ADGRV1: variants seen among roughly 807,000 people sequenced by gnomAD.
ADGRV1 encodes adhesion G protein-coupled receptor V1.
Under a neutral mutation model 596.2 loss-of-function variants are expected in ADGRV1, and 359 were observed. The observed-to-expected ratio is 0.60, with a 90% CI of 0.55 to 0.66. The LOEUF is 0.66. Among genes scored for constraint, ADGRV1 ranks in the 30% least tolerant of loss-of-function variants. The pLI is 0.00. For synonymous variants in ADGRV1, 2,681 were observed against 2,679.2 expected, an observed-to-expected ratio of 1.00 and a Z score of -0.02; for missense variants, 7,274 against 7,575.6, an observed-to-expected ratio of 0.96 and a Z score of 1.48.
chr5:90,783,033 A>T, intron 65 of ADGRV1, 91 bp from the exon 66 acceptor site: 1 of 972,494 alleles, frequency 1.0e-6, no homozygotes, highest in Non-Finnish European at 1.6e-6. Context: ...ACTTTGTGCC[A>T]TTATGTTTAA....
chr5:90,602,449 A>G (rs932707671), intron 1 of ADGRV1, among the ~76,000 whole-genome samples: 1 of 152,214 alleles, frequency 6.6e-6, no homozygotes, highest in Non-Finnish European at 1.5e-5. Context: ...TCATGTTGAT[A>G]GTATGTACCT....
intron 70 of ADGRV1, among the ~76,000 whole-genome samples, chr5:90,794,274 A>C (rs1053453492): frequency 6.6e-6 from 1 of 152,186 alleles, no homozygotes; most frequent in African/African-American, 2.4e-5. Context: ...GTCTTGATGT[A>C]GGTTTAACAC....
In ADGRV1 at chr5:90,901,915, A is replaced by G. The variant is rs115392485; in HGVS notation, c.17856+38058A>G. Among the ~76,000 whole-genome samples the G allele has an allele frequency of 4.7e-3, 709 of 152,206 alleles. 2 individuals are homozygous for G. The highest frequency in any genetic ancestry group is 0.016 in the African/African-American group (669 of 41,552). ...AAGTTTTGGTTCCTGGGTAGAGGGT[A>G]GACTGTAGTGTGAATAGTGGCCTCT... On this transcript the variant is annotated intron_variant, in intron 83 of 89. Transcript: ENST00000405460.
chr5:90,956,104 T>A (rs1242923106), intron 83 of ADGRV1, among the ~76,000 whole-genome samples: 1 of 152,180 alleles, frequency 6.6e-6, no homozygotes, highest in Non-Finnish European at 1.5e-5. Flanking sequence ...CTTATATGTA[T>A]GCTTATCTAA....
intron 85 of ADGRV1, among the ~76,000 whole-genome samples, chr5:91,001,420 A>T (rs1370598512): frequency 6.6e-6 from 1 of 152,144 alleles, no homozygotes; most frequent in Non-Finnish European, 1.5e-5. Context: ...GTATTATGTC[A>T]TATTTCAAGT....
At chr5:91,145,634 T>C (rs897730381) in intron 87 of ADGRV1, among the ~76,000 whole-genome samples, 1 of 152,048 alleles carries the variant, frequency 6.6e-6, no homozygotes, top group Non-Finnish European at 1.5e-5. Flanking sequence ...ATTTAGAATA[T>C]TATTATTGTT....
At chr5:91,004,052 A>G (rs1782063860) in intron 85 of ADGRV1, among the ~76,000 whole-genome samples, 1 of 152,148 alleles carries the variant, frequency 6.6e-6, no homozygotes, top group African/African-American at 2.4e-5. Context: ...GTCGACTATA[A>G]GGAGATGTTA....
At chr5:90,781,311 C>T (rs1256344882) in intron 64 of ADGRV1, 119 bp from the exon 65 acceptor site, 2 of 757,734 alleles carry the variant, frequency 2.6e-6, no homozygotes, top group African/African-American at 3.5e-5. Flanking sequence ...AAAAGTATTG[C>T]AGTACTTTAT....
At chr5:90,770,870 ATG>A (rs1392966583) in intron 59 of ADGRV1, among the ~76,000 whole-genome samples, 1 of 152,130 alleles carries the variant, frequency 6.6e-6, no homozygotes, top group Non-Finnish European at 1.5e-5. Flanking sequence ...ATCCAAACAT[ATG>A]TGTCTTATTC....
intron 21 of ADGRV1, among the ~76,000 whole-genome samples, chr5:90,667,814 G>A (rs1771704751): frequency 6.6e-6 from 1 of 152,172 alleles, no homozygotes; most frequent in Non-Finnish European, 1.5e-5. Context: ...CTGTTTGTTA[G>A]TTTTCCTTCT....
At position 90,675,339 on chromosome 5, in the gene ADGRV1, A is replaced by G. The variant is rs773201854; in HGVS notation, c.5207A>G (p.Asp1736Gly). Residue 1736 changes from aspartate to glycine, a missense_variant, in exon 24 of 90, where the codon GAT (aspartate) becomes GGT (glycine). Transcript: ENST00000405460. Reference sequence around the variant, plus strand: ...CCACATATCACTGTGGAGGAGGAAGATGGAGAAATCAGGTTATTGGTCATC... The same window carrying G: ...CCACATATCACTGTGGAGGAGGAAGGTGGAGAAATCAGGTTATTGGTCATC... Reference protein sequence around the residue: ...SVPHITVEEEDGEIRLLVIRA... With the variant: ...SVPHITVEEEGGEIRLLVIRA... 28 of 1,613,774 alleles carry G rather than the reference A, an allele frequency of 1.7e-5. No individual in the cohort carries two copies. The highest frequency in any genetic ancestry group is 1.6e-4 in the East Asian group (7 of 44,898).
At chr5:90,663,739 G>GT (rs1770803776) in intron 21 of ADGRV1, among the ~76,000 whole-genome samples, 1 of 152,032 alleles carries the variant, frequency 6.6e-6, no homozygotes, top group Non-Finnish European at 1.5e-5. Context: ...GGTTTTTATG[G>GT]TTTTAGGTCT....
intron 43 of ADGRV1, chr5:90,717,470 T>G (rs1750282901): frequency 7.3e-6 from 1 of 137,578 alleles, no homozygotes; most frequent in South Asian, 2.4e-4. Flanking sequence ...AGTCTCACTC[T>G]GTCATCCAGG....
chr5:91,102,136 C>G, intron 86 of ADGRV1, 83 bp from the exon 87 acceptor site: 1 of 1,354,266 alleles, frequency 7.4e-7, no homozygotes, highest in Non-Finnish European at 1.0e-6. Flanking sequence ...TAGAATACCA[C>G]AGAAAGAAGC....
chr5:91,021,436 A>C (rs1783623915), intron 85 of ADGRV1, among the ~76,000 whole-genome samples: 1 of 152,132 alleles, frequency 6.6e-6, no homozygotes, highest in African/African-American at 2.4e-5. Context: ...GGCTGGAAGC[A>C]GATCAAATGG....
chr5:91,137,468 C>T (rs1180904208), intron 87 of ADGRV1, among the ~76,000 whole-genome samples: 3 of 152,112 alleles, frequency 2.0e-5, no homozygotes, highest in Admixed American at 2.0e-4. Context: ...GCTTCATATG[C>T]CTCGTATTTT....
chr5:90,886,535 G>A (rs1770303547), intron 83 of ADGRV1, among the ~76,000 whole-genome samples: 1 of 152,136 alleles, frequency 6.6e-6, no homozygotes, highest in African/African-American at 2.4e-5. Flanking sequence ...CTCGATAAAT[G>A]ATCTCATCAT....
intron 21 of ADGRV1, among the ~76,000 whole-genome samples, chr5:90,668,439 G>T (rs560513043): frequency 7.2e-5 from 11 of 152,232 alleles, no homozygotes; most frequent in African/African-American, 2.6e-4. Context: ...TGCGCTTCCC[G>T]AGTGAGGCAA....
chr5:90,783,956 A>G lies in ADGRV1; in HGVS notation c.13552A>G (p.Arg4518Gly). Residue 4518 changes from arginine to glycine, a missense_variant, in exon 67 of 90, where the codon AGG becomes GGG. Physicochemically the swap from Arg to Gly is moderately radical, Grantham distance 125. Around this residue, in one of 5 missense-constraint regions of ADGRV1, gnomAD observed 3,643 missense variants for 3,809.2 expected, o/e 0.96. Transcript: ENST00000405460. ...AKSDSPFGVI[R>G]FLNQSKISIA... is the part of the protein sequence containing the mutation. ...GAGTGACTCTCCCTTTGGAGTTATA[A>G]GGTTTCTCAATCAAAGCAAAATTTC... 1.2e-6 allele frequency: 2 copies of G among 1,612,292 alleles called. No homozygotes were observed. Among genetic ancestry groups the G allele is most frequent in the South Asian group, 1.1e-5 (1 of 90,622 alleles).
Sources: allele counts gnomAD v4.1 joint callset (sites outside exome capture counted in the v4.1 genomes callset), GRCh38; gene constraint gnomAD v4.1.1; regional missense constraint gnomAD v4.1.1; transcripts MANE v1.5; gene names NCBI Gene and HGNC (gene_info 2026-07-23, HGNC 2026-07-21).